PHACTR1: variants seen among roughly 807,000 people sequenced by gnomAD.
PHACTR1 encodes the protein phosphatase and actin regulator 1.
Under a neutral mutation model 69.2 loss-of-function variants are expected in PHACTR1, and 16 were observed. The ratio of observed to expected loss-of-function variants is 0.23; its 90% CI spans 0.16 to 0.35. PHACTR1 has a LOEUF of 0.35. PHACTR1 is among the 10% of genes least tolerant of loss of function. The pLI is 1.00. For synonymous variants in PHACTR1, 312 were observed against 284.5 expected (o/e 1.10, Z -0.97); for missense variants, 510 against 734.7 (o/e 0.69, Z 3.54).
chr6:12,810,630 C>G (rs1382495772), intron 4 of PHACTR1, among the ~76,000 whole-genome samples: 1 of 152,180 alleles, frequency 6.6e-6, no homozygotes, highest in Non-Finnish European at 1.5e-5. Flanking sequence ...AACAAAGGCT[C>G]ATGTTCCGGC....
chr6:12,797,503 A>C (rs534755445), intron 4 of PHACTR1, among the ~76,000 whole-genome samples: 2 of 152,278 alleles, frequency 1.3e-5, no homozygotes, highest in African/African-American at 4.8e-5. Flanking sequence ...CACCTTCTCC[A>C]TAGTATTTTG....
chr6:13,192,055 A>G (rs1157882995), intron 7 of PHACTR1, among the ~76,000 whole-genome samples: 1 of 152,168 alleles, frequency 6.6e-6, no homozygotes, highest in Non-Finnish European at 1.5e-5. Context: ...GATTTAATTC[A>G]CTCAGCACTT....
intron 4 of PHACTR1, 21 bp downstream of exon 4, chr6:12,749,811 G>GCGCCCC (rs80085591): frequency 2.6e-4 from 410 of 1,558,402 alleles, no homozygotes; most frequent in Admixed American, 4.7e-4. Flanking sequence ...CCCTGGCGCC[G>GCGCCCC]CGCCCCCGCC....
At chr6:12,980,471 A>C (rs1795383359) in intron 4 of PHACTR1, among the ~76,000 whole-genome samples, 1 of 152,144 alleles carries the variant, frequency 6.6e-6, no homozygotes, top group South Asian at 2.1e-4. Context: ...CCCAGAGAGC[A>C]AAGTATGTTT....
chr6:12,955,127 TA>T (rs1302996857), intron 4 of PHACTR1, among the ~76,000 whole-genome samples: 2 of 151,694 alleles, frequency 1.3e-5, no homozygotes, highest in Non-Finnish European at 2.9e-5. Flanking sequence ...TAATTTCCCT[TA>T]AAAAATTTTA....
intron 5 of PHACTR1, among the ~76,000 whole-genome samples, chr6:13,112,306 CT>C (rs1347796705): frequency 2.6e-5 from 4 of 152,130 alleles, no homozygotes; most frequent in Non-Finnish European, 4.4e-5. Context: ...GATTCCATGT[CT>C]TTGCTATTGT....
At chr6:13,115,789 T>C (rs892505466) in intron 5 of PHACTR1, among the ~76,000 whole-genome samples, 2 of 152,164 alleles carry the variant, frequency 1.3e-5, no homozygotes, top group African/African-American at 4.8e-5. Flanking sequence ...TGAGGTTGTG[T>C]CTGCGCTCAC....
At chr6:12,744,014 G>T (rs908133262) in intron 3 of PHACTR1, among the ~76,000 whole-genome samples, 2 of 152,040 alleles carry the variant, frequency 1.3e-5, no homozygotes, top group Non-Finnish European at 2.9e-5. Flanking sequence ...ACTCAAAACC[G>T]CTCAACTACA....
chr6:13,119,359 T>C (rs753072500), intron 5 of PHACTR1, among the ~76,000 whole-genome samples: 1 of 152,228 alleles, frequency 6.6e-6, no homozygotes, highest in South Asian at 2.1e-4. Flanking sequence ...GTTTACCAAT[T>C]TCATGATAAT....
rs144079880 is a variant in PHACTR1, at chr6:13,281,163, T to C, written c.1510-2259T>C. The C allele has an allele frequency of 1.1e-4, 137 of 1,261,966 alleles. No homozygotes were observed. The African/African-American group carries it at 1.5e-3, about 14-fold the overall frequency. 78.2% of individuals were successfully genotyped at this position (1,261,966 alleles called of 1,614,324 possible). Reference sequence around the variant, plus strand: ...CTTCGGTTCACTCCAGACTCTGCCATAGATAGGACATTAGTAAAATCCAGG... The same window carrying C: ...CTTCGGTTCACTCCAGACTCTGCCACAGATAGGACATTAGTAAAATCCAGG... On this transcript the variant is annotated intron_variant, in intron 12 of 14. Transcript: ENST00000332995.
At chr6:13,253,172 T>C (rs973971133) in intron 10 of PHACTR1, 5 of 321,380 alleles carry the variant, frequency 1.6e-5, no homozygotes, top group African/African-American at 4.3e-5. Flanking sequence ...AAATGAGAGA[T>C]TGGCCCTTTG....
At chr6:13,089,058 C>T (rs1324593760) in intron 5 of PHACTR1, among the ~76,000 whole-genome samples, 1 of 152,222 alleles carries the variant, frequency 6.6e-6, no homozygotes, top group Non-Finnish European at 1.5e-5. Context: ...CCTTTACCTT[C>T]TCTGTCACTG....
intron 5 of PHACTR1, among the ~76,000 whole-genome samples, chr6:13,057,289 A>C (rs1363200866): frequency 3.9e-5 from 6 of 152,202 alleles, no homozygotes; most frequent in Admixed American, 3.9e-4. Context: ...TAATTTTTAA[A>C]AAAAGGAAAA....
intron 4 of PHACTR1, among the ~76,000 whole-genome samples, chr6:12,750,323 T>C (rs947059140): frequency 6.6e-6 from 1 of 152,096 alleles, no homozygotes; most frequent in African/African-American, 2.4e-5. Flanking sequence ...CATAATAGCA[T>C]GGTCTGGAGA....
At chr6:12,909,905 A>C (rs965044830) in intron 4 of PHACTR1, among the ~76,000 whole-genome samples, 4 of 152,210 alleles carry the variant, frequency 2.6e-5, no homozygotes, top group Non-Finnish European at 4.4e-5. Flanking sequence ...AACTTCTAAC[A>C]AACAACCATT....
chr6:12,926,014 G>A (rs1455323906), intron 4 of PHACTR1, among the ~76,000 whole-genome samples: 1 of 151,616 alleles, frequency 6.6e-6, no homozygotes, highest in East Asian at 1.9e-4. Flanking sequence ...CGTCTTCCAC[G>A]TTCTTCCTTT....
intron 4 of PHACTR1, among the ~76,000 whole-genome samples, chr6:12,770,810 CG>C (rs969093944): frequency 2.0e-5 from 3 of 152,022 alleles, no homozygotes; most frequent in African/African-American, 4.8e-5. Context: ...CGATAGAAAA[CG>C]GGGAGCCTGC....
intron 4 of PHACTR1, among the ~76,000 whole-genome samples, chr6:12,824,646 A>T (rs1776590462): frequency 6.6e-6 from 1 of 152,228 alleles, no homozygotes; most frequent in Non-Finnish European, 1.5e-5. Context: ...GCTAGAAATA[A>T]AGTAGATAAA....
intron 4 of PHACTR1, among the ~76,000 whole-genome samples, chr6:12,813,664 G>T (rs148300369): frequency 6.6e-6 from 1 of 152,130 alleles, no homozygotes; most frequent in Admixed American, 6.6e-5. Context: ...TGTAGTTTCC[G>T]CCTGTCCCTC....
Sources: gnomAD v4.1 joint callset for allele counts (sites outside exome capture counted in the v4.1 genomes callset) on GRCh38, gnomAD v4.1.1 for gene constraint, MANE v1.5 for transcripts, NCBI Gene and HGNC (gene_info 2026-07-23, HGNC 2026-07-21) for gene names.